NRXN1: variants seen among roughly 807,000 people sequenced by gnomAD.
The protein encoded by NRXN1 is neurexin 1, also known as neurexin-1.
NRXN1 carries 39 observed loss-of-function variants against 150.9 expected under a neutral mutation model. The ratio of observed to expected loss-of-function variants is 0.26; its 90% CI spans 0.20 to 0.34. The LOEUF (loss-of-function observed/expected upper bound fraction) is 0.34, where lower values mean the gene tolerates loss of function less well. Among genes scored for constraint, NRXN1 ranks in the 10% least tolerant of loss-of-function variants. NRXN1 has a pLI of 1.00. For synonymous variants in NRXN1, 924 were observed against 757.0 expected (o/e 1.22, Z -3.62); for missense variants, 1,815 against 1,949.9 (o/e 0.93, Z 1.30).
chr2:50,677,011 G>A (rs1182248570), intron 5 of NRXN1, among the ~76,000 whole-genome samples: 1 of 152,082 alleles, frequency 6.6e-6, no homozygotes, highest in Non-Finnish European at 1.5e-5. Context: ...AGATAACAGG[G>A]CAGAGGGTAG....
chr2:50,925,646 A>T (rs1686749475), intron 3 of NRXN1, among the ~76,000 whole-genome samples: 3 of 152,092 alleles, frequency 2.0e-5, no homozygotes, highest in African/African-American at 7.2e-5. Flanking sequence ...AAAGTAAAAA[A>T]AGCAGAATTG....
chr2:49,919,730 A>G lies in NRXN1; in HGVS notation c.*2214T>C, dbSNP rs975712349. 1.3e-5 allele frequency: 2 copies of G among 152,170 alleles called. No individual in the cohort carries two copies. Among genetic ancestry groups the G allele is most frequent in the African/African-American group, 4.8e-5 (2 of 41,462 alleles). The allele number at this position is 152,170 out of a possible 1,614,324, so 9.4% of individuals were successfully genotyped here. A position where few individuals can be genotyped will look rare whatever the true frequency, so the allele number is the denominator to read the frequency against. ...ATCTAGAAAAGAAGCAATGGATATT[A>G]AATTTTCATTTTATACCTTCTACTT... On this transcript the variant is annotated 3_prime_UTR_variant, in exon 23 of 23. Transcript: ENST00000401669.
chr2:49,960,790 T>C (rs1336171454), intron 21 of NRXN1, among the ~76,000 whole-genome samples: 1 of 152,172 alleles, frequency 6.6e-6, no homozygotes, highest in Non-Finnish European at 1.5e-5. Flanking sequence ...GGTTCTTAAA[T>C]GGTTCAGCTA....
At chr2:50,978,782 A>G (rs574036422) in intron 2 of NRXN1, among the ~76,000 whole-genome samples, 1 of 152,220 alleles carries the variant, frequency 6.6e-6, no homozygotes, top group East Asian at 1.9e-4. Flanking sequence ...ATGAATTATG[A>G]TAACGAGAAA....
At chr2:49,951,972 T>A (rs1422103822) in intron 21 of NRXN1, among the ~76,000 whole-genome samples, 2 of 151,990 alleles carry the variant, frequency 1.3e-5, no homozygotes, top group African/African-American at 4.8e-5. Flanking sequence ...TGAAAACATG[T>A]TTTAGTTAAG....
chr2:50,764,049 A>G (rs1702121085), intron 5 of NRXN1, among the ~76,000 whole-genome samples: 1 of 150,850 alleles, frequency 6.6e-6, no homozygotes, highest in Non-Finnish European at 1.5e-5. Context: ...AAGGAGGAAC[A>G]TCCCTCCTCC....
chr2:49,942,492 C>T (rs574121563), intron 22 of NRXN1, among the ~76,000 whole-genome samples: 14 of 152,266 alleles, frequency 9.2e-5, no homozygotes, highest in African/African-American at 3.1e-4. Context: ...TTTCTTGTGA[C>T]ATGAAATTCT....
Position 50,552,866 on chromosome 2 carries a change from G to T in NRXN1, c.1480C>A (p.Pro494Thr). ...CCAGTTTTCTTTGCATTCCATTTAG[G>T]CAAAGAGATGAAAGACTCTGGGGTT... ...FETPESFISL[P>T]KWNAKKTGSI... Residue 494 changes from proline (P) to threonine (T), a missense_variant, in exon 9 of 23, where the codon CCT becomes ACT. Coordinates refer to ENST00000401669, the MANE Select transcript of NRXN1 (RefSeq NM_001330078.2). The T allele has an allele frequency of 1.2e-6, 2 of 1,613,888 alleles. No homozygotes were observed. Among genetic ancestry groups the T allele is most frequent in the Middle Eastern group, 1.6e-4 (1 of 6,062 alleles).
chr2:50,714,667 A>T (rs893658470), intron 5 of NRXN1, among the ~76,000 whole-genome samples: 6 of 152,300 alleles, frequency 3.9e-5, no homozygotes, highest in East Asian at 3.9e-4. Flanking sequence ...AATATACCAA[A>T]TTCTCAATAG....
At chr2:50,765,637 T>A (rs1360259930) in intron 5 of NRXN1, among the ~76,000 whole-genome samples, 2 of 152,044 alleles carry the variant, frequency 1.3e-5, no homozygotes, top group Admixed American at 1.3e-4. Context: ...TCTTTCTACA[T>A]GCCGCAACAT....
At chr2:50,752,549 C>A (rs957949232) in intron 5 of NRXN1, among the ~76,000 whole-genome samples, 5 of 151,848 alleles carry the variant, frequency 3.3e-5, no homozygotes, top group African/African-American at 1.2e-4. Context: ...TATGGCTAAT[C>A]AGAATTCCCA....
intron 5 of NRXN1, chr2:50,898,578 G>A (rs762585772): frequency 4.1e-6 from 2 of 485,560 alleles, no homozygotes; most frequent in African/African-American, 2.0e-5. Flanking sequence ...ACGGGATATT[G>A]TGCTCTTCCT....
intron 18 of NRXN1, among the ~76,000 whole-genome samples, chr2:50,212,004 A>G (rs115592347): frequency 0.01 from 1,580 of 151,772 alleles, 33 homozygotes; most frequent in African/African-American, 0.036. Context: ...ACATCTTAAG[A>G]GCTACACTAG....
At chr2:50,019,313 T>C (rs1305178023) in intron 21 of NRXN1, 1 of 471,328 alleles carries the variant, frequency 2.1e-6, no homozygotes, top group South Asian at 1.5e-5. Context: ...GTTTATTCTG[T>C]ACTTTTCTGG....
intron 17 of NRXN1, among the ~76,000 whole-genome samples, chr2:50,406,908 A>T (rs952248447): frequency 1.3e-3 from 192 of 152,078 alleles, no homozygotes; most frequent in African/African-American, 4.3e-3. Context: ...TTAAAGCTCA[A>T]TTTTTTGCAT....
At chr2:50,895,573 T>G (rs943633927) in intron 5 of NRXN1, among the ~76,000 whole-genome samples, 2 of 150,876 alleles carry the variant, frequency 1.3e-5, no homozygotes, top group African/African-American at 2.4e-5. Context: ...TGGTTGTTTT[T>G]TTTGTTTGTT....
intron 17 of NRXN1, among the ~76,000 whole-genome samples, chr2:50,252,903 T>C (rs2067299576): frequency 6.6e-6 from 1 of 152,214 alleles, no homozygotes; most frequent in South Asian, 2.1e-4. Context: ...GATTCTTTTT[T>C]GGTTCCATAT....
chr2:50,629,142 C>A (rs963823735), intron 5 of NRXN1, among the ~76,000 whole-genome samples: 2 of 151,686 alleles, frequency 1.3e-5, no homozygotes, highest in Non-Finnish European at 3.0e-5. Flanking sequence ...ACAAAAAATA[C>A]ACATATCATC....
chr2:50,750,624 C>T (rs1430839755), intron 5 of NRXN1, among the ~76,000 whole-genome samples: 4 of 151,948 alleles, frequency 2.6e-5, no homozygotes, highest in African/African-American at 4.8e-5. Context: ...AGAATTCCTT[C>T]TGTGCTTGGC....
Sources: allele counts gnomAD v4.1 joint callset (sites outside exome capture counted in the v4.1 genomes callset), GRCh38; gene constraint gnomAD v4.1.1; transcripts MANE v1.5; gene names NCBI Gene and HGNC (gene_info 2026-07-23, HGNC 2026-07-21).